DLGAP3: variants seen among roughly 807,000 people sequenced by gnomAD.
DLGAP3 encodes the protein disks large-associated protein 3.
DLGAP3 carries 17 observed loss-of-function variants against 81.2 expected under a neutral mutation model. That is an observed-to-expected ratio of 0.21 (90% CI 0.14 to 0.31). DLGAP3 has a LOEUF of 0.31. Ranked by LOEUF, DLGAP3 falls within the 10% of genes least tolerant of loss-of-function variation. The probability of loss-of-function intolerance (pLI) is 1.00; values close to 1 mark genes in which losing one functional copy is unlikely to be tolerated. For missense variants in DLGAP3, 1,124 were observed against 1,388.0 expected, an observed-to-expected ratio of 0.81 and a Z score of 3.02; for synonymous variants, 577 against 587.4, an observed-to-expected ratio of 0.98 and a Z score of 0.26.
At chr1:34,901,231 A>G (rs1171590051) in intron 3 of DLGAP3, among the ~76,000 whole-genome samples, 1 of 152,022 alleles carries the variant, frequency 6.6e-6, no homozygotes, top group Non-Finnish European at 1.5e-5. Context: ...CCCAGGGGAG[A>G]GAAGAAGAGA....
intron 1 of DLGAP3, among the ~76,000 whole-genome samples, chr1:34,918,163 T>C (rs1639744954): frequency 6.6e-6 from 1 of 152,174 alleles, no homozygotes; most frequent in African/African-American, 2.4e-5. Flanking sequence ...CATGGTTCTC[T>C]AGTGCCACAG....
At position 34,868,681 on chromosome 1, in the gene DLGAP3, C is replaced by T. The variant is rs1383382582; in HGVS notation, c.2409G>A (p.Arg803=). The change falls in exon 9 of 12, where the codon CGG becomes CGA. Residue 803 remains arginine (R), a synonymous_variant. Transcript: ENST00000373347. This position sits in a 1 kb window ranked among gnomAD's most constrained non-coding sequence, Gnocchi z 7.5. ...AGTGCTCCAGCTTCTCCACCTCTGC[C>T]CGCAGCATCTTGATGAACCACTCGC... is the stretch of plus-strand genomic sequence containing the variant. ...RDGEWFIKML[R]AEVEKLEHWC... The T allele has an allele frequency of 1.2e-6, 2 of 1,612,534 alleles. No individual in the cohort carries two copies. The highest frequency in any genetic ancestry group is 1.7e-6 in the Non-Finnish European group (2 of 1,180,012).
At chr1:34,911,639 A>G (rs1180817947) in intron 1 of DLGAP3, among the ~76,000 whole-genome samples, 1 of 152,190 alleles carries the variant, frequency 6.6e-6, no homozygotes, top group African/African-American at 2.4e-5. Flanking sequence ...TGGGAATGGA[A>G]GAAGTGGCAC....
At chr1:34,879,413 C>A (rs950968865) in intron 8 of DLGAP3, among the ~76,000 whole-genome samples, 4 of 152,186 alleles carry the variant, frequency 2.6e-5, no homozygotes, top group African/African-American at 9.6e-5. Flanking sequence ...TACCGCAGAT[C>A]TGACAGCAGG....
At chr1:34,871,314 GCAC>G (rs1638976771) in intron 8 of DLGAP3, among the ~76,000 whole-genome samples, 1 of 152,152 alleles carries the variant, frequency 6.6e-6, no homozygotes, top group Non-Finnish European at 1.5e-5. Flanking sequence ...CCAAGCCTTT[GCAC>G]ACGCTACTCC....
chr1:34,903,888 A>G (rs887560328), intron 3 of DLGAP3, among the ~76,000 whole-genome samples: 1 of 152,244 alleles, frequency 6.6e-6, no homozygotes. Flanking sequence ...GGGCAGGAGA[A>G]CTGCTTTCCA....
intron 8 of DLGAP3, among the ~76,000 whole-genome samples, chr1:34,880,522 G>T (rs1639128920): frequency 6.6e-6 from 1 of 152,108 alleles, no homozygotes; most frequent in African/African-American, 2.4e-5. Flanking sequence ...CCTGAGGTCA[G>T]AAGTTCGAGA....
In DLGAP3 at chr1:34,867,399, A is replaced by T. The variant is rs1638902469; in HGVS notation, c.2577+137T>A. ...TCCTACCTCCAGGCACAAGACTCAC[A>T]GCTACCCCAGAAGGCATGCAGGCCT... On this transcript the variant is annotated intron_variant, in intron 10 of 11. Coordinates refer to ENST00000373347, the MANE Select transcript of DLGAP3 (RefSeq NM_001080418.3). The surrounding 1 kb of genome is among the most constrained non-coding windows in gnomAD (Gnocchi z 4.3). 1.9e-6 allele frequency: 2 copies of T among 1,052,204 alleles called. No homozygotes were observed. The highest frequency in any genetic ancestry group is 1.7e-5 in the Admixed American group (1 of 59,302). 65.2% of individuals were successfully genotyped at this position (1,052,204 alleles called of 1,614,324 possible).
At chr1:34,866,704 G>A (rs527799162) in intron 11 of DLGAP3, among the ~76,000 whole-genome samples, 35 of 152,216 alleles carry the variant, frequency 2.3e-4, no homozygotes, top group Admixed American at 5.2e-4. Context: ...AGGCTCTGCC[G>A]TCGATGCCTA....
intron 1 of DLGAP3, among the ~76,000 whole-genome samples, chr1:34,911,687 A>T (rs1639643371): frequency 2.0e-5 from 3 of 152,088 alleles, no homozygotes; most frequent in Non-Finnish European, 4.4e-5. Flanking sequence ...TTTAGCACCA[A>T]CTACACAATC....
chr1:34,876,086 A>G (rs1017564970), intron 8 of DLGAP3, among the ~76,000 whole-genome samples: 4 of 152,216 alleles, frequency 2.6e-5, no homozygotes, highest in South Asian at 2.1e-4. Flanking sequence ...TTGCATCCTC[A>G]GTGCCCAGCA....
Position 34,866,285 on chromosome 1 carries a change from G to A in DLGAP3, c.2738C>T (p.Pro913Leu). 4.6e-6 allele frequency: 7 copies of A among 1,532,648 alleles called. No individual in the cohort carries two copies. Among genetic ancestry groups the A allele is most frequent in the Non-Finnish European group, 5.3e-6 (6 of 1,139,490 alleles). 94.9% of individuals were successfully genotyped at this position (1,532,648 alleles called of 1,614,324 possible). A position where few individuals can be genotyped will look rare whatever the true frequency, so the allele number is the denominator to read the frequency against. The change falls in exon 12 of 12, where the codon CCT becomes CTT. Residue 913 changes from proline (P) to leucine (L), a missense_variant. Pro to Leu is a moderately conservative substitution (Grantham distance 98). Transcript: ENST00000373347. ...LLEPKEEKKV[P>L]PPIPKKPLRG... Reference sequence around the variant, plus strand: ...CAGGGGCTTCTTTGGTATCGGCGGAGGGACCTTCTTCTCCTCCTGCGGGGC... The same window carrying A: ...CAGGGGCTTCTTTGGTATCGGCGGAAGGACCTTCTTCTCCTCCTGCGGGGC...
At chr1:34,880,905 T>C (rs1455541951) in intron 8 of DLGAP3, among the ~76,000 whole-genome samples, 1 of 152,070 alleles carries the variant, frequency 6.6e-6, no homozygotes, top group Non-Finnish European at 1.5e-5. Flanking sequence ...AAACTGAAGC[T>C]GTAGTTTTAA....
At position 34,867,144 on chromosome 1, in the gene DLGAP3, G is replaced by C. The variant is rs774838348; in HGVS notation, c.2625C>G (p.Phe875Leu). ...PVPTFQDLAG[F>L]WDLLQLSIED... ...CGATGGAGAGCTGTAGGAGGTCCCA[G>C]AAACCCGCCAGGTCCTGGAAGGTGG... Residue 875 changes from phenylalanine to leucine, a missense_variant, in exon 11 of 12, where the codon TTC (phenylalanine) becomes TTG (leucine). Around this residue, in one of 9 missense-constraint regions of DLGAP3, gnomAD observed 133 missense variants for 171.1 expected, o/e 0.78. Transcript: ENST00000373347. This position sits in a 1 kb window ranked among gnomAD's most constrained non-coding sequence, Gnocchi z 4.3. 6.8e-6 allele frequency: 11 copies of C among 1,614,214 alleles called. No individual in the cohort carries two copies. The highest frequency in any genetic ancestry group is 9.3e-6 in the Non-Finnish European group (11 of 1,180,018).
At chr1:34,897,517 G>A (rs921813382) in intron 5 of DLGAP3, among the ~76,000 whole-genome samples, 5 of 152,202 alleles carry the variant, frequency 3.3e-5, no homozygotes, top group Admixed American at 1.3e-4. Context: ...GGGAGGGAGG[G>A]GAACAGCCTT....
chr1:34,885,131 G>C, intron 7 of DLGAP3, 68 bp from the exon 8 acceptor site: 2 of 1,415,904 alleles, frequency 1.4e-6, no homozygotes, highest in Admixed American at 3.4e-5. Context: ...GGGGAGAACG[G>C]CTAGCAATGG....
intron 8 of DLGAP3, among the ~76,000 whole-genome samples, chr1:34,882,620 T>G (rs183811467): frequency 3.1e-4 from 47 of 152,376 alleles, no homozygotes; most frequent in African/African-American, 1.0e-3. Context: ...ACCTTTCTTC[T>G]GGATCATGAA....
At position 34,866,306 on chromosome 1, in the gene DLGAP3, G is replaced by C. The variant is rs1166307399; in HGVS notation, c.2722-5C>G. 3.3e-6 allele frequency: 5 copies of C among 1,512,030 alleles called. No homozygotes were observed. The highest frequency in any genetic ancestry group is 4.4e-6 in the Non-Finnish European group (5 of 1,129,544). 93.7% of individuals were successfully genotyped at this position (1,512,030 alleles called of 1,614,324 possible). The stretch of plus-strand genomic sequence containing the variant: ...CGGAGGGACCTTCTTCTCCTCCTGC[G>C]GGGCAGAGGGCGTCGCTGAGCTGGG... On this transcript the variant is annotated splice_polypyrimidine_tract_variant and splice_region_variant and intron_variant, in intron 11 of 11. Coordinates refer to ENST00000373347, the MANE Select transcript of DLGAP3 (RefSeq NM_001080418.3).
At position 34,897,861 on chromosome 1, in the gene DLGAP3, T is replaced by C. The variant is rs776660013; in HGVS notation, c.1386+1808A>G. 7.2e-4 allele frequency among the ~76,000 whole-genome samples: 110 copies of C among 151,954 alleles called. 1 individual carries two copies. The highest frequency in any genetic ancestry group is 2.1e-4 in the South Asian group (1 of 4,800). On this transcript the variant is annotated intron_variant, in intron 5 of 11. Transcript: ENST00000373347. ...GGGACCAGCAGGATCAGCTGAAGGATTGGAGGTGAGTTGTGAGAGAGAGAA... is the reference window on the plus strand; with the variant it reads ...GGGACCAGCAGGATCAGCTGAAGGACTGGAGGTGAGTTGTGAGAGAGAGAA...
Sources: allele counts gnomAD v4.1 joint callset (sites outside exome capture counted in the v4.1 genomes callset), GRCh38; gene constraint gnomAD v4.1.1; regional missense constraint gnomAD v4.1.1; non-coding constraint Gnocchi (gnomAD v3.1); transcripts MANE v1.5; gene names NCBI Gene and HGNC (gene_info 2026-07-23, HGNC 2026-07-21).